Variants in TBX15 observed in about 807,000 individuals in gnomAD.
TBX15 encodes T-box transcription factor TBX15.
In TBX15, 18 loss-of-function variants were observed where a neutral mutation model predicts 53.9. That is an observed-to-expected ratio of 0.33 (90% CI 0.23 to 0.49). TBX15 has a LOEUF of 0.49. Among genes scored for constraint, TBX15 ranks in the 20% least tolerant of loss-of-function variants. TBX15 has a pLI of 0.98. For missense variants in TBX15, 692 were observed against 749.5 expected (o/e 0.92, Z 0.90); for synonymous variants, 295 against 278.0 (o/e 1.06, Z -0.61).
chr1:118,930,146 G>A (rs532286278), intron 2 of TBX15, among the ~76,000 whole-genome samples: 8 of 152,264 alleles, frequency 5.3e-5, no homozygotes, highest in African/African-American at 1.9e-4. Context: ...TTAACTTCAT[G>A]TTTTTGTCAT....
intron 6 of TBX15, among the ~76,000 whole-genome samples, chr1:118,907,223 A>T (rs1654866272): frequency 6.6e-6 from 1 of 152,170 alleles, no homozygotes; most frequent in East Asian, 1.9e-4. Flanking sequence ...CTGCAGCTGT[A>T]CTAGATGCAA....
chr1:118,953,570 G>A (rs1301766464), intron 1 of TBX15, among the ~76,000 whole-genome samples: 1 of 152,214 alleles, frequency 6.6e-6, no homozygotes, highest in Non-Finnish European at 1.5e-5. Context: ...TAATATTTCA[G>A]ATGGGAATGG....
At chr1:118,956,691 G>T (rs1192468484) in intron 1 of TBX15, among the ~76,000 whole-genome samples, 3 of 152,092 alleles carry the variant, frequency 2.0e-5, no homozygotes, top group African/African-American at 7.2e-5. Flanking sequence ...AGTGGCTCAT[G>T]CCTGTAATCC....
At chr1:118,983,717 C>T (rs1302837056) in intron 1 of TBX15, among the ~76,000 whole-genome samples, 1 of 152,194 alleles carries the variant, frequency 6.6e-6, no homozygotes, top group Admixed American at 6.5e-5. Context: ...CAGGGGCGTG[C>T]ACGGCAGAGA....
At chr1:118,977,084 G>A (rs908144607) in intron 1 of TBX15, among the ~76,000 whole-genome samples, 5 of 152,158 alleles carry the variant, frequency 3.3e-5, no homozygotes, top group African/African-American at 1.2e-4. Context: ...AGAAACTAGG[G>A]TTGAGGGTGA....
chr1:118,930,564 C>T (rs1381753969), intron 2 of TBX15, among the ~76,000 whole-genome samples: 4 of 152,180 alleles, frequency 2.6e-5, no homozygotes, highest in African/African-American at 4.8e-5. Context: ...TACAGGCACC[C>T]ATCACCACAT....
rs972379388 is a variant in TBX15 at position 118,893,404 on chromosome 1, A to G, written c.1024+5624T>C. On this transcript the variant is annotated intron_variant, in intron 7 of 7. Coordinates refer to ENST00000369429, the MANE Select transcript of TBX15 (RefSeq NM_001330677.2). ...AAGAAAGAAAGAAAGAAAGAAAGAA[A>G]GAAAGGAAGAAGGAAAGAAAGATGG... is the stretch of plus-strand genomic sequence containing the variant. Among the ~76,000 whole-genome samples, 37 of 125,188 alleles carry G rather than the reference A, an allele frequency of 3.0e-4. 1 individual carries two copies. The highest frequency in any genetic ancestry group is 9.8e-4 in the African/African-American group (28 of 28,530). The allele number at this position is 125,188 out of a possible 152,430, so 82.1% of individuals were successfully genotyped here.
At chr1:118,948,578 C>A (rs1161929601) in intron 1 of TBX15, among the ~76,000 whole-genome samples, 1 of 152,192 alleles carries the variant, frequency 6.6e-6, no homozygotes, top group Non-Finnish European at 1.5e-5. Flanking sequence ...GGCCTCAGTG[C>A]AATTCTTCTC....
intron 1 of TBX15, among the ~76,000 whole-genome samples, chr1:118,967,526 C>T (rs1451517476): frequency 6.6e-6 from 1 of 152,194 alleles, no homozygotes; most frequent in Non-Finnish European, 1.5e-5. Flanking sequence ...GTACAAACAG[C>T]ACCTCATCTG....
intron 6 of TBX15, among the ~76,000 whole-genome samples, chr1:118,910,364 T>C (rs1224926114): frequency 6.6e-6 from 1 of 152,188 alleles, no homozygotes; most frequent in Non-Finnish European, 1.5e-5. Context: ...GAGTAGTCAC[T>C]TGATGTCTAA....
rs1471864400 is a variant in TBX15, at chr1:118,894,498, A to T, written c.1024+4530T>A. Among the ~76,000 whole-genome samples, 3 of 152,312 alleles carry T rather than the reference A, an allele frequency of 2.0e-5. No individual in the cohort carries two copies. In the East Asian group the frequency reaches 5.8e-4, roughly 29 times the overall value. ...TGAGGTGCAAAGATGTGTGTTTTGA[A>T]AAAAATGATTCTCATTTCTACATGA... On this transcript the variant is annotated intron_variant, in intron 7 of 7. Coordinates refer to ENST00000369429, the MANE Select transcript of TBX15 (RefSeq NM_001330677.2).
intron 1 of TBX15, among the ~76,000 whole-genome samples, chr1:118,957,521 G>A (rs1385613289): frequency 6.6e-6 from 1 of 152,146 alleles, no homozygotes; most frequent in Non-Finnish European, 1.5e-5. Context: ...TGCACAACGT[G>A]CAGGTTAGTT....
At chr1:118,959,750 T>C (rs1043988581) in intron 1 of TBX15, among the ~76,000 whole-genome samples, 1 of 152,136 alleles carries the variant, frequency 6.6e-6, no homozygotes, top group East Asian at 1.9e-4. Flanking sequence ...GAGAAAGAGA[T>C]GAAATCTGAC....
chr1:118,960,320 T>A (rs906719538), intron 1 of TBX15, among the ~76,000 whole-genome samples: 8 of 152,164 alleles, frequency 5.3e-5, no homozygotes, highest in African/African-American at 1.9e-4. Flanking sequence ...ACCAGGAAGC[T>A]CTAGTTTCGA....
intron 1 of TBX15, among the ~76,000 whole-genome samples, chr1:118,955,094 A>T (rs1442456766): frequency 6.6e-6 from 1 of 152,218 alleles, no homozygotes; most frequent in Non-Finnish European, 1.5e-5. Flanking sequence ...TAGGCTTGCC[A>T]AGAAGGCCTC....
intron 1 of TBX15, among the ~76,000 whole-genome samples, chr1:118,976,984 T>C (rs1208447106): frequency 1.3e-5 from 2 of 152,226 alleles, no homozygotes; most frequent in East Asian, 1.9e-4. Context: ...GGCTTTGTGC[T>C]AAATCTTTTG....
intron 1 of TBX15, among the ~76,000 whole-genome samples, chr1:118,965,748 G>T (rs1197444224): frequency 2.0e-5 from 3 of 152,212 alleles, no homozygotes; most frequent in Non-Finnish European, 4.4e-5. Flanking sequence ...AGAGGGGGAA[G>T]TGGAGAACTT....
At chr1:118,925,439 A>G (rs1438119586) in intron 3 of TBX15, among the ~76,000 whole-genome samples, 1 of 152,174 alleles carries the variant, frequency 6.6e-6, no homozygotes, top group Non-Finnish European at 1.5e-5. Flanking sequence ...CCCAGTTCAC[A>G]TTGCCTTTGA....
intron 7 of TBX15, chr1:118,890,892 CT>C: frequency 1.5e-6 from 2 of 1,304,022 alleles, no homozygotes; most frequent in South Asian, 2.5e-5. Context: ...AGACTCTTCT[CT>C]CGTATAATTC....
Sources: gnomAD v4.1 joint callset for allele counts (sites outside exome capture counted in the v4.1 genomes callset) on GRCh38, gnomAD v4.1.1 for gene constraint, MANE v1.5 for transcripts, NCBI Gene and HGNC (gene_info 2026-07-23, HGNC 2026-07-21) for gene names.